The following ANXA11 variants were observed in gnomAD, a reference collection of about 807,000 sequenced individuals.
ANXA11 encodes the protein 56 kDa autoantigen.
ANXA11 carries 57 observed loss-of-function variants against 64.7 expected under a neutral mutation model. That is an observed-to-expected ratio of 0.88 (90% CI 0.71 to 1.10). The LOEUF (loss-of-function observed/expected upper bound fraction) is 1.10. ANXA11 is among the 50% of genes least tolerant of loss of function. The pLI, the probability that ANXA11 is intolerant of heterozygous loss-of-function variation, is 0.00. For missense variants in ANXA11, 675 were observed against 670.7 expected, an observed-to-expected ratio of 1.01 and a Z score of -0.07; for synonymous variants, 260 against 265.2, an observed-to-expected ratio of 0.98 and a Z score of 0.19.
intron 1 of ANXA11, among the ~76,000 whole-genome samples, chr10:80,181,835 G>A (rs1846366343): frequency 6.6e-6 from 1 of 152,210 alleles, no homozygotes; most frequent in Admixed American, 6.5e-5. Context: ...TTCATCGCTG[G>A]TGGGGATGTA....
Position 80,154,934 on chromosome 10 carries a change from G to C in ANXA11, c.*919C>G, listed in dbSNP as rs1589409599. ...AGATCCCTTTGCCTTTCAGGTGTCT[G>C]GGCCTCCTGCCTGGATTTCGGGAAC... On this transcript the variant is annotated 3_prime_UTR_variant, in exon 16 of 16. Coordinates refer to ENST00000422982, the MANE Select transcript of ANXA11 (RefSeq NM_145868.2). 2.0e-5 allele frequency: 3 copies of C among 152,394 alleles called. No homozygotes were observed. The East Asian group carries it at 5.8e-4, about 30-fold the overall frequency. The allele number at this position is 152,394 out of a possible 1,614,324, so 9.4% of individuals were successfully genotyped here.
Position 80,151,011 on chromosome 10 carries a change from A to T in ANXA11, c.*4842T>A, listed in dbSNP as rs1021841291. 6.6e-6 allele frequency: 1 copy of T among 152,224 alleles called. No individual in the cohort carries two copies. The highest frequency in any genetic ancestry group is 1.9e-4 in the East Asian group (1 of 5,188). The allele number at this position is 152,224 out of a possible 1,614,324, so 9.4% of individuals were successfully genotyped here. ...TTATTTGCTGCTTTTGTGGAAGGAC[A>T]GACTTGTGGAATTTCCTATTCCATT... On this transcript the variant is annotated 3_prime_UTR_variant, in exon 16 of 16. Coordinates refer to ENST00000422982, the MANE Select transcript of ANXA11 (RefSeq NM_145868.2).
chr10:80,178,555 C>A (rs569904250), intron 1 of ANXA11, among the ~76,000 whole-genome samples: 1 of 152,376 alleles, frequency 6.6e-6, no homozygotes, highest in African/African-American at 2.4e-5. Flanking sequence ...CTGCGACCAT[C>A]CACCTGCAGC....
intron 1 of ANXA11, among the ~76,000 whole-genome samples, chr10:80,199,246 C>T (rs890995484): frequency 2.8e-4 from 42 of 152,044 alleles, no homozygotes; most frequent in African/African-American, 9.9e-4. Context: ...TATAGGCGCC[C>T]GCTACCACGC....
intron 3 of ANXA11, chr10:80,171,599 G>A (rs1845979335): frequency 2.0e-6 from 2 of 981,352 alleles, no homozygotes; most frequent in African/African-American, 3.5e-5. Context: ...CTGTGACGAA[G>A]ACTGAGTTAA....
At chr10:80,202,211 G>GA (rs995876436) in intron 1 of ANXA11, among the ~76,000 whole-genome samples, 5 of 151,394 alleles carry the variant, frequency 3.3e-5, no homozygotes, top group African/African-American at 1.2e-4. Flanking sequence ...GGAAGCGGGG[G>GA]GTCTCTGTGT....
intron 8 of ANXA11, among the ~76,000 whole-genome samples, chr10:80,164,800 T>C (rs1192346384): frequency 6.6e-6 from 1 of 152,230 alleles, no homozygotes; most frequent in Admixed American, 6.5e-5. Context: ...TACTAGGACC[T>C]ACCTCACAGG....
chr10:80,187,468 C>T (rs1288457264), intron 1 of ANXA11, among the ~76,000 whole-genome samples: 2 of 152,114 alleles, frequency 1.3e-5, no homozygotes, highest in Non-Finnish European at 2.9e-5. Flanking sequence ...TATAAGCCAC[C>T]CGGTCTATGA....
chr10:80,160,555 A>T (rs1845464857), intron 12 of ANXA11, among the ~76,000 whole-genome samples: 1 of 152,126 alleles, frequency 6.6e-6, no homozygotes, highest in Admixed American at 6.5e-5. Context: ...CACCATCCTC[A>T]GTCCTTGCCT....
chr10:80,183,352 G>A (rs1031900116), intron 1 of ANXA11, among the ~76,000 whole-genome samples: 1 of 152,234 alleles, frequency 6.6e-6, no homozygotes, highest in African/African-American at 2.4e-5. Flanking sequence ...CTTGACCCAT[G>A]GGCAAAACCA....
intron 1 of ANXA11, among the ~76,000 whole-genome samples, chr10:80,182,066 G>C (rs533890998): frequency 2.0e-5 from 3 of 152,144 alleles, no homozygotes; most frequent in African/African-American, 7.2e-5. Flanking sequence ...CTAACTCTAC[G>C]ATATTCTGGA....
At position 80,153,099 on chromosome 10, in the gene ANXA11, CA is replaced by C. The variant is rs2132347404; in HGVS notation, c.*2753del. 6.6e-6 allele frequency: 1 copy of C among 152,298 alleles called. No homozygotes were observed. The highest frequency in any genetic ancestry group is 2.1e-4 in the South Asian group (1 of 4,822). 9.4% of individuals were successfully genotyped at this position (152,298 alleles called of 1,614,324 possible). A position where few individuals can be genotyped will look rare whatever the true frequency, so the allele number is the denominator to read the frequency against. On this transcript the variant is annotated 3_prime_UTR_variant, in exon 16 of 16. Coordinates refer to ENST00000422982, the MANE Select transcript of ANXA11 (RefSeq NM_145868.2). ...TATCCACCTTGGTCTATTCCTTGAC[CA>C]AAGCACATCCATGTACTTTACAACA...
At chr10:80,166,792 G>T (rs999961209) in intron 7 of ANXA11, 98 bp downstream of exon 7, 10 of 928,896 alleles carry the variant, frequency 1.1e-5, no homozygotes, top group African/African-American at 3.2e-5. Context: ...CTGTCCATCC[G>T]GGAGATCCGG....
rs139193001 is a variant in ANXA11, at chr10:80,159,131, G to T, written c.1245C>A (p.Ser415=). The T allele has an allele frequency of 1.2e-6, 2 of 1,613,932 alleles. No individual in the cohort carries two copies. Among genetic ancestry groups the T allele is most frequent in the African/African-American group, 2.7e-5 (2 of 74,902 alleles). Residue 415 remains serine, a synonymous_variant, in exon 13 of 16, where the codon TCC becomes TCA. Transcript: ENST00000422982. ...DIEKSICREM[S]GDLEEGMLAV... ...CCAGCATGCCCTCCTCCAGGTCCCCGGACATCTCCCGGCAGATGCTCTTCT... is the reference window on the plus strand; with the variant it reads ...CCAGCATGCCCTCCTCCAGGTCCCCTGACATCTCCCGGCAGATGCTCTTCT...
intron 1 of ANXA11, among the ~76,000 whole-genome samples, chr10:80,179,586 T>C (rs987013760): frequency 2.0e-5 from 3 of 152,100 alleles, no homozygotes; most frequent in African/African-American, 7.2e-5. Flanking sequence ...AACGACCCTA[T>C]AGTCTAAGAA....
chr10:80,174,583 T>C (rs1410828614), intron 2 of ANXA11, among the ~76,000 whole-genome samples: 3 of 151,552 alleles, frequency 2.0e-5, no homozygotes, highest in South Asian at 4.2e-4. Flanking sequence ...GGCCTACTTT[T>C]ATTTTTTAAA....
At chr10:80,172,539 A>T (rs186132255) in intron 3 of ANXA11, among the ~76,000 whole-genome samples, 38 of 152,244 alleles carry the variant, frequency 2.5e-4, no homozygotes, top group Admixed American at 1.0e-3. Context: ...CTGTTACTAG[A>T]GAGTAAGGCA....
intron 7 of ANXA11, 139 bp from the exon 8 acceptor site, chr10:80,166,336 A>C: frequency 1.7e-6 from 1 of 598,452 alleles, no homozygotes; most frequent in Non-Finnish European, 3.0e-6. Flanking sequence ...CTGAGAGAAA[A>C]GCCTGCTCTC....
chr10:80,162,025 G>A lies in ANXA11; in HGVS notation c.1090C>T (p.Leu364=), dbSNP rs1845534103. The change falls in exon 12 of 16, where the codon CTG becomes TTG. Residue 364 remains leucine, a synonymous_variant. Coordinates refer to ENST00000422982, the MANE Select transcript of ANXA11 (RefSeq NM_145868.2). ...MSLAQRDAQE[L]YAAGENRLGT... ...AGGCGGTTCTCCCCGGCCGCATACAGCTCCTGGAGAGAGAGGAAGACGCAC... is the reference window on the plus strand; with the variant it reads ...AGGCGGTTCTCCCCGGCCGCATACAACTCCTGGAGAGAGAGGAAGACGCAC... The A allele has an allele frequency of 6.8e-6, 11 of 1,609,864 alleles. No homozygotes were observed. Among genetic ancestry groups the A allele is most frequent in the Non-Finnish European group, 8.5e-6 (10 of 1,179,098 alleles).
Sources: gnomAD v4.1 joint callset for allele counts (sites outside exome capture counted in the v4.1 genomes callset) on GRCh38, gnomAD v4.1.1 for gene constraint, MANE v1.5 for transcripts, NCBI Gene and HGNC (gene_info 2026-07-23, HGNC 2026-07-21) for gene names.